WWOX: variants seen among roughly 807,000 people sequenced by gnomAD.
The protein encoded by WWOX is WW domain containing oxidoreductase, also known as WW domain-containing oxidoreductase.
In WWOX, 69 loss-of-function variants were observed where a neutral mutation model predicts 46.2. That is an observed-to-expected ratio of 1.49 (90% CI 1.23 to 1.82). The LOEUF is 1.82. Ranked by LOEUF, WWOX falls within the 40% of genes most tolerant of loss-of-function variation. The pLI, the probability that WWOX is intolerant of heterozygous loss-of-function variation, is 0.00. For missense variants in WWOX, 919 were observed against 542.6 expected (o/e 1.69, Z -6.89); for synonymous variants, 359 against 202.6 (o/e 1.77, Z -6.56).
chr16:79,040,089 A>G (rs756636541), intron 8 of WWOX, among the ~76,000 whole-genome samples: 1 of 152,086 alleles, frequency 6.6e-6, no homozygotes, highest in African/African-American at 2.4e-5. Flanking sequence ...TATAATAATC[A>G]TTCCTACCCC....
chr16:79,081,343 C>T (rs1192876187), intron 8 of WWOX, among the ~76,000 whole-genome samples: 7 of 152,006 alleles, frequency 4.6e-5, no homozygotes, highest in Admixed American at 2.0e-4. Flanking sequence ...TTTATATTTT[C>T]AGTAGAGATG....
chr16:78,104,343 G>A (rs2032004295), intron 1 of WWOX, among the ~76,000 whole-genome samples: 1 of 136,056 alleles, frequency 7.3e-6, no homozygotes, highest in Non-Finnish European at 1.6e-5. Context: ...ACGCACGCAC[G>A]CACGCATGCA....
At chr16:79,084,386 A>G (rs894318850) in intron 8 of WWOX, among the ~76,000 whole-genome samples, 10 of 152,218 alleles carry the variant, frequency 6.6e-5, no homozygotes, top group African/African-American at 2.4e-4. Flanking sequence ...TGTAAAATAT[A>G]AATAATTCCT....
intron 6 of WWOX, among the ~76,000 whole-genome samples, chr16:78,408,360 T>G (rs1281551836): frequency 3.3e-5 from 5 of 152,192 alleles, no homozygotes; most frequent in Non-Finnish European, 5.9e-5. Context: ...TGAGTTAATA[T>G]AAGGCCCCAG....
chr16:78,938,189 G>C (rs1279365698), intron 8 of WWOX, among the ~76,000 whole-genome samples: 1 of 152,192 alleles, frequency 6.6e-6, no homozygotes, highest in African/African-American at 2.4e-5. Context: ...GCTGTTTTGA[G>C]AGGAGTGTGA....
rs553773111 is a variant in WWOX, at chr16:78,168,958, A to G, written c.516+4669A>G. 1.5e-3 allele frequency among the ~76,000 whole-genome samples: 233 copies of G among 152,338 alleles called. 1 individual carries two copies. The highest frequency in any genetic ancestry group is 4.2e-3 in the African/African-American group (174 of 41,568). On this transcript the variant is annotated intron_variant, in intron 5 of 8. Coordinates refer to ENST00000566780, the MANE Select transcript of WWOX (RefSeq NM_016373.4). Reference sequence around the variant, plus strand: ...AAAAAATGAAAACAATTAAAACAGGATAACATGGACAGTACAGAAGTAAAC... The same window carrying G: ...AAAAAATGAAAACAATTAAAACAGGGTAACATGGACAGTACAGAAGTAAAC...
At chr16:78,828,166 C>G (rs1228203751) in intron 8 of WWOX, among the ~76,000 whole-genome samples, 1 of 152,170 alleles carries the variant, frequency 6.6e-6, no homozygotes, top group Non-Finnish European at 1.5e-5. Flanking sequence ...GCCAGCTAAT[C>G]TAATCTGTAC....
At chr16:78,222,314 G>T (rs1347980002) in intron 5 of WWOX, among the ~76,000 whole-genome samples, 1 of 149,186 alleles carries the variant, frequency 6.7e-6, no homozygotes, top group Non-Finnish European at 1.5e-5. Flanking sequence ...CTCATTAGGG[G>T]TGAGAGTTTG....
chr16:78,273,296 A>T (rs2151848394), intron 5 of WWOX, among the ~76,000 whole-genome samples: 1 of 152,128 alleles, frequency 6.6e-6, no homozygotes, highest in East Asian at 1.9e-4. Context: ...CTTTATCCCC[A>T]GGTGGTTGAA....
chr16:78,375,383 T>G (rs1257453977), intron 5 of WWOX, among the ~76,000 whole-genome samples: 1 of 152,214 alleles, frequency 6.6e-6, no homozygotes, highest in East Asian at 1.9e-4. Context: ...ATGAGTAGCC[T>G]ACTTGCATTT....
At chr16:78,538,197 T>C (rs897015930) in intron 8 of WWOX, among the ~76,000 whole-genome samples, 3 of 139,300 alleles carry the variant, frequency 2.2e-5, no homozygotes, top group Non-Finnish European at 4.5e-5. Context: ...TTGTAATCTT[T>C]AATTAAGCTA....
chr16:78,771,747 G>T (rs929405446), intron 8 of WWOX, among the ~76,000 whole-genome samples: 1 of 150,668 alleles, frequency 6.6e-6, no homozygotes, highest in African/African-American at 2.4e-5. Flanking sequence ...ACTTCAGCTT[G>T]GGCAACAGAG....
chr16:78,666,327 T>A (rs79409319), intron 8 of WWOX, among the ~76,000 whole-genome samples: 11,340 of 151,990 alleles, frequency 0.075, 545 homozygotes, highest in South Asian at 0.16. Context: ...ACACTGAGAT[T>A]TGGGGGTTAC....
At chr16:78,546,094 C>CT (rs1341995145) in intron 8 of WWOX, among the ~76,000 whole-genome samples, 1 of 152,160 alleles carries the variant, frequency 6.6e-6, no homozygotes, top group Non-Finnish European at 1.5e-5. Flanking sequence ...TCCCTACCCT[C>CT]TGTCAGTTTT....
intron 8 of WWOX, among the ~76,000 whole-genome samples, chr16:78,686,645 C>T (rs760616459): frequency 1.5e-4 from 23 of 152,136 alleles, no homozygotes; most frequent in African/African-American, 2.9e-4. Flanking sequence ...TTTGTTTTTT[C>T]GGAAGTCCTC....
chr16:78,109,912 G>C lies in WWOX; in HGVS notation c.230+77G>C, dbSNP rs778216456. ...TTTTTAATTATAAAAGTAATACATA[G>C]TAACTGTAGAAAAATACAAAGTATA... On this transcript the variant is annotated intron_variant, in intron 3 of 8. Coordinates refer to ENST00000566780, the MANE Select transcript of WWOX (RefSeq NM_016373.4). 7.7e-5 allele frequency: 113 copies of C among 1,465,072 alleles called. 2 individuals carry two copies. The East Asian group carries it at 9.4e-4, about 12-fold the overall frequency. 90.8% of individuals were successfully genotyped at this position (1,465,072 alleles called of 1,614,324 possible).
At chr16:79,185,941 T>C (rs2051004779) in intron 8 of WWOX, among the ~76,000 whole-genome samples, 1 of 150,886 alleles carries the variant, frequency 6.6e-6, no homozygotes, top group African/African-American at 2.4e-5. Flanking sequence ...ACAGATGCCA[T>C]GTCTGTGTGT....
At chr16:79,136,428 A>G (rs1597406872) in intron 8 of WWOX, among the ~76,000 whole-genome samples, 3 of 152,086 alleles carry the variant, frequency 2.0e-5, no homozygotes. Context: ...ACGGGATTTT[A>G]CCATGTTGGC....
At chr16:78,909,868 G>A (rs1266347261) in intron 8 of WWOX, among the ~76,000 whole-genome samples, 1 of 152,176 alleles carries the variant, frequency 6.6e-6, no homozygotes, top group African/African-American at 2.4e-5. Flanking sequence ...ATGGCACATT[G>A]CATGCTTATT....
Sources: gnomAD v4.1 joint callset for allele counts (sites outside exome capture counted in the v4.1 genomes callset) on GRCh38, gnomAD v4.1.1 for gene constraint, MANE v1.5 for transcripts, NCBI Gene and HGNC (gene_info 2026-07-23, HGNC 2026-07-21) for gene names.